Variants in TTC28 observed in about 807,000 individuals in gnomAD.
The protein encoded by TTC28 is tetratricopeptide repeat domain 28.
TTC28 carries 61 observed loss-of-function variants against 198.0 expected under a neutral mutation model. The ratio of observed to expected loss-of-function variants is 0.31; its 90% confidence interval spans 0.25 to 0.38. TTC28 has a LOEUF of 0.38. TTC28 is among the 10% of genes least tolerant of loss of function. The pLI is 1.00. For synonymous variants in TTC28, 1,171 were observed against 1,297.8 expected (o/e 0.90, Z 2.10); for missense variants, 2,678 against 3,164.0 (o/e 0.85, Z 3.69).
chr22:28,390,685 C>G (rs1225409284), intron 2 of TTC28, among the ~76,000 whole-genome samples: 3 of 151,498 alleles, frequency 2.0e-5, no homozygotes, highest in African/African-American at 4.8e-5. Flanking sequence ...TTTTTGTTTT[C>G]CATTTGCTTG....
At chr22:28,564,459 T>C (rs2049939440) in intron 2 of TTC28, among the ~76,000 whole-genome samples, 1 of 152,202 alleles carries the variant, frequency 6.6e-6, no homozygotes, top group Non-Finnish European at 1.5e-5. Context: ...TTGTTTTATT[T>C]GTCCAATTTG....
intron 5 of TTC28, among the ~76,000 whole-genome samples, chr22:28,173,589 T>C (rs1922888879): frequency 6.6e-6 from 1 of 152,206 alleles, no homozygotes; most frequent in Non-Finnish European, 1.5e-5. Context: ...CAGCTGCAGA[T>C]TTAGGCGCAT....
chr22:28,405,366 T>A (rs1049157171), intron 2 of TTC28, among the ~76,000 whole-genome samples: 2 of 152,190 alleles, frequency 1.3e-5, no homozygotes, highest in Non-Finnish European at 2.9e-5. Context: ...GTGCAAATGA[T>A]TGCAATGGGC....
chr22:28,269,017 C>T (rs1276650828), intron 5 of TTC28, among the ~76,000 whole-genome samples: 2 of 152,116 alleles, frequency 1.3e-5, no homozygotes, highest in Non-Finnish European at 2.9e-5. Context: ...AATGTGCTGG[C>T]CAGTGAATGT....
intron 1 of TTC28, among the ~76,000 whole-genome samples, chr22:28,671,634 CAA>C (rs370262568): frequency 2.9e-4 from 24 of 81,592 alleles, no homozygotes; most frequent in African/African-American, 3.6e-4. Context: ...GACTCCATCT[CAA>C]AAAAAAAAAA....
intron 2 of TTC28, among the ~76,000 whole-genome samples, chr22:28,346,767 A>C (rs1470902504): frequency 6.6e-6 from 1 of 152,212 alleles, no homozygotes; most frequent in Non-Finnish European, 1.5e-5. Context: ...GGATAGGATG[A>C]AATAAAGATG....
intron 5 of TTC28, among the ~76,000 whole-genome samples, chr22:28,197,593 T>G (rs1925505184): frequency 6.6e-6 from 1 of 151,968 alleles, no homozygotes; most frequent in Non-Finnish European, 1.5e-5. Flanking sequence ...TAAAATAAAA[T>G]GATATGACTA....
chr22:28,613,502 A>G (rs1466052854), intron 2 of TTC28, among the ~76,000 whole-genome samples: 1 of 152,238 alleles, frequency 6.6e-6, no homozygotes, highest in African/African-American at 2.4e-5. Flanking sequence ...ACAAAAAAAG[A>G]GAATTTTAGA....
At position 28,624,403 on chromosome 22, in the gene TTC28, A is replaced by G. The variant is rs1394401334; in HGVS notation, c.381+5149T>C. On this transcript the variant is annotated intron_variant, in intron 2 of 22. Transcript: ENST00000397906. ...AAAAAAAAAAAATCAAGAATGATAA[A>G]ACGAACATCACTATGGATTCTTCAG... 2.0e-5 allele frequency among the ~76,000 whole-genome samples: 3 copies of G among 152,106 alleles called. No homozygotes were observed. The East Asian group carries it at 5.8e-4, about 29-fold the overall frequency.
chr22:28,400,948 T>C (rs1398150090), intron 2 of TTC28, among the ~76,000 whole-genome samples: 3 of 152,208 alleles, frequency 2.0e-5, no homozygotes, highest in African/African-American at 7.2e-5. Context: ...CAAATATATA[T>C]TCACTGAATA....
chr22:28,343,567 A>G (rs1341250745), intron 2 of TTC28, among the ~76,000 whole-genome samples: 1 of 152,176 alleles, frequency 6.6e-6, no homozygotes, highest in South Asian at 2.1e-4. Flanking sequence ...AGGGATAACA[A>G]TGTCCTCTGC....
At chr22:28,337,887 T>C (rs531132790) in intron 2 of TTC28, among the ~76,000 whole-genome samples, 19 of 152,330 alleles carry the variant, frequency 1.2e-4, no homozygotes, top group African/African-American at 4.3e-4. Flanking sequence ...GTCTTTATGA[T>C]GTTAGCTGGT....
intron 2 of TTC28, among the ~76,000 whole-genome samples, chr22:28,612,982 C>T (rs1452980787): frequency 3.3e-5 from 5 of 152,114 alleles, no homozygotes; most frequent in African/African-American, 1.2e-4. Flanking sequence ...TAACTAAGAT[C>T]AGAGCAGAAC....
chr22:28,011,659 G>A (rs1025792734), intron 14 of TTC28, among the ~76,000 whole-genome samples: 13 of 152,164 alleles, frequency 8.5e-5, no homozygotes, highest in African/African-American at 3.1e-4. Flanking sequence ...CATGGATATG[G>A]AGGGCTGATT....
At chr22:28,229,023 G>A (rs1928594924) in intron 5 of TTC28, among the ~76,000 whole-genome samples, 3 of 151,886 alleles carry the variant, frequency 2.0e-5, no homozygotes, top group Admixed American at 1.3e-4. Context: ...GGGCATGGTG[G>A]CACACGCCTG....
rs888641500 is a variant in TTC28, at chr22:27,993,227, C to A, written c.5476+60G>T. ...CTCATGAATGCGGGGCCCAAGGCCACCAACTGTTCCACCTGCTGTCAGCCA... is the reference window on the plus strand; with the variant it reads ...CTCATGAATGCGGGGCCCAAGGCCAACAACTGTTCCACCTGCTGTCAGCCA... On this transcript the variant is annotated intron_variant, in intron 18 of 22. Transcript: ENST00000397906. The A allele has an allele frequency of 9.9e-6, 14 of 1,413,630 alleles. No individual in the cohort carries two copies. In the African/African-American group the frequency reaches 2.0e-4, roughly 20 times the overall value. 87.6% of individuals were successfully genotyped at this position (1,413,630 alleles called of 1,614,324 possible). A position where few individuals can be genotyped will look rare whatever the true frequency, so the allele number is the denominator to read the frequency against.
intron 12 of TTC28, among the ~76,000 whole-genome samples, chr22:28,078,756 T>C (rs1003374915): frequency 1.3e-5 from 2 of 152,164 alleles, no homozygotes; most frequent in African/African-American, 4.8e-5. Flanking sequence ...GCATCTACTA[T>C]GTTCCTGAGC....
At chr22:28,546,875 A>C (rs2049553928) in intron 2 of TTC28, among the ~76,000 whole-genome samples, 1 of 152,186 alleles carries the variant, frequency 6.6e-6, no homozygotes. Flanking sequence ...CAAACACAAA[A>C]GATTCCATGC....
At chr22:28,441,700 A>T (rs1449778412) in intron 2 of TTC28, among the ~76,000 whole-genome samples, 1 of 152,186 alleles carries the variant, frequency 6.6e-6, no homozygotes, top group Non-Finnish European at 1.5e-5. Context: ...TTCAGTTCTG[A>T]TATAAAACAC....
Sources: gnomAD v4.1 joint callset for allele counts (sites outside exome capture counted in the v4.1 genomes callset) on GRCh38, gnomAD v4.1.1 for gene constraint, MANE v1.5 for transcripts, NCBI Gene and HGNC (gene_info 2026-07-23, HGNC 2026-07-21) for gene names.